MAST3: variants seen among roughly 807,000 people sequenced by gnomAD.
The protein encoded by MAST3 is microtubule associated serine/threonine kinase 3.
A neutral mutation model predicts 127.0 loss-of-function variants in MAST3; 43 were observed. The observed-to-expected ratio is 0.34, with a 90% CI of 0.27 to 0.44. MAST3 has a LOEUF of 0.44. MAST3 is among the 20% of genes least tolerant of loss of function. The pLI is 1.00. For synonymous variants in MAST3, 785 were observed against 809.2 expected, an observed-to-expected ratio of 0.97 and a Z score of 0.51; for missense variants, 1,390 against 1,919.1, an observed-to-expected ratio of 0.72 and a Z score of 5.15.
chr19:18,105,886 C>T (rs2038034889), intron 1 of MAST3, among the ~76,000 whole-genome samples: 1 of 152,014 alleles, frequency 6.6e-6, no homozygotes. Flanking sequence ...CCACTGGTAC[C>T]CAGGGCCCAA....
At chr19:18,138,762 G>A (rs1490318111) in intron 19 of MAST3, among the ~76,000 whole-genome samples, 2 of 152,108 alleles carry the variant, frequency 1.3e-5, no homozygotes, top group African/African-American at 2.4e-5. Context: ...GCCTCTCAAA[G>A]TGCTGGGATT....
At position 18,145,475 on chromosome 19, in the gene MAST3, G is replaced by A. The variant is rs1373066695; in HGVS notation, c.3039+246G>A. ...CCAGCTCCATATGGGGACGCACTGG[G>A]CATGTTATCCTCCCTCTCCCAGCCC... On this transcript the variant is annotated intron_variant, in intron 24 of 27. Coordinates refer to ENST00000687212, the MANE Select transcript of MAST3 (RefSeq NM_001393504.1). The surrounding 1 kb of genome is among the most constrained non-coding windows in gnomAD (Gnocchi z 5.9). Among the ~76,000 whole-genome samples the A allele has an allele frequency of 1.3e-5, 2 of 152,212 alleles. No individual in the cohort carries two copies. The highest frequency in any genetic ancestry group is 2.9e-5 in the Non-Finnish European group (2 of 68,036).
At chr19:18,098,086 G>T (rs2146692901) in intron 1 of MAST3, among the ~76,000 whole-genome samples, 1 of 152,254 alleles carries the variant, frequency 6.6e-6, no homozygotes, top group African/African-American at 2.4e-5. Context: ...AGAGGCTGAG[G>T]GCTCTGCCCC....
rs200510110 is a variant in MAST3, at chr19:18,134,801, G to C, written c.1705-16G>C. On this transcript the variant is annotated splice_polypyrimidine_tract_variant and intron_variant, in intron 16 of 27. Transcript: ENST00000687212. ...GCTGGGGGCTGGCCTCAGTTTCCCC[G>C]TTCTCCCTGGCCCAGGTGTGTGGGA... The C allele has an allele frequency of 1.4e-5, 22 of 1,613,894 alleles. No individual in the cohort carries two copies. In the East Asian group the frequency reaches 4.5e-4, roughly 33 times the overall value.
intron 19 of MAST3, among the ~76,000 whole-genome samples, chr19:18,138,461 GC>G (rs1174613371): frequency 6.6e-6 from 1 of 151,802 alleles, no homozygotes; most frequent in African/African-American, 2.4e-5. Flanking sequence ...GATTACAGGT[GC>G]CTGCCACCAT....
At chr19:18,127,059 C>T (rs1295830261) in intron 11 of MAST3, among the ~76,000 whole-genome samples, 3 of 151,448 alleles carry the variant, frequency 2.0e-5, no homozygotes, top group Non-Finnish European at 2.9e-5. Context: ...GGATTACAGG[C>T]GTGAGCCACC....
chr19:18,143,034 C>T (rs921958642), intron 21 of MAST3, among the ~76,000 whole-genome samples: 2 of 151,036 alleles, frequency 1.3e-5, no homozygotes, highest in Non-Finnish European at 2.9e-5. Context: ...ATTGCTTGAC[C>T]CTGGGAGGCG....
intron 11 of MAST3, among the ~76,000 whole-genome samples, chr19:18,125,443 C>A (rs191932074): frequency 2.6e-4 from 40 of 152,260 alleles, no homozygotes; most frequent in African/African-American, 8.4e-4. Context: ...AGAAGACGGT[C>A]AAAAACTCCC....
Position 18,110,428 on chromosome 19 carries a change from C to G in MAST3, c.72-224C>G. ...GGGAGGACAGGATGACAACTACCCTCCCCCCACGTCTCTGTTCGTGTCGCC... is the reference window on the plus strand; with the variant it reads ...GGGAGGACAGGATGACAACTACCCTGCCCCCACGTCTCTGTTCGTGTCGCC... On this transcript the variant is annotated intron_variant, in intron 2 of 27. Coordinates refer to ENST00000687212, the MANE Select transcript of MAST3 (RefSeq NM_001393504.1). This position sits in a 1 kb window ranked among gnomAD's most constrained non-coding sequence, Gnocchi z 4.3. 3 of 982,142 alleles carry G rather than the reference C, an allele frequency of 3.1e-6. No individual in the cohort carries two copies. The highest frequency in any genetic ancestry group is 9.4e-5 in the South Asian group (2 of 21,212). The allele number at this position is 982,142 out of a possible 1,614,324, so 60.8% of individuals were successfully genotyped here.
intron 19 of MAST3, among the ~76,000 whole-genome samples, chr19:18,137,739 G>T (rs1230179633): frequency 6.6e-6 from 1 of 152,080 alleles, no homozygotes; most frequent in African/African-American, 2.4e-5. Context: ...TTTTGGAGGC[G>T]TCCCTGCAGG....
At chr19:18,143,441 C>T (rs1010518165) in intron 21 of MAST3, among the ~76,000 whole-genome samples, 10 of 151,868 alleles carry the variant, frequency 6.6e-5, no homozygotes, top group East Asian at 1.9e-4. Context: ...CCCAGTGTGG[C>T]GGCAGGCACC....
At chr19:18,130,429 T>C (rs545358810) in intron 13 of MAST3, 65 bp from the exon 14 acceptor site, 1 of 1,436,338 alleles carries the variant, frequency 7.0e-7, no homozygotes, top group Non-Finnish European at 9.5e-7. Context: ...TGGGCTCAAG[T>C]TGAGCTGTAG....
In MAST3 at chr19:18,149,384, G is replaced by T. The variant is rs768502140; in HGVS notation, c.3702G>T (p.Ala1234=). 1.4e-6 allele frequency: 2 copies of T among 1,466,208 alleles called. No homozygotes were observed. The highest frequency in any genetic ancestry group is 1.3e-5 in the South Asian group (1 of 75,502). 90.8% of individuals were successfully genotyped at this position (1,466,208 alleles called of 1,614,324 possible). A position where few individuals can be genotyped will look rare whatever the true frequency, so the allele number is the denominator to read the frequency against. Residue 1234 remains alanine, a synonymous_variant, in exon 28 of 28, where the codon GCG becomes GCT. Transcript: ENST00000687212. The surrounding 1 kb of genome is among the most constrained non-coding windows in gnomAD (Gnocchi z 5.9). ...PSPLACPPIS[A]PPPRSPSPLP... is the part of the protein sequence containing the mutation. ...CGCTGGCCTGCCCGCCCATCTCCGC[G>T]CCCCCACCCCGCTCGCCCTCGCCCC...
Position 18,110,256 on chromosome 19 carries a change from G to A in MAST3, c.72-396G>A. On this transcript the variant is annotated intron_variant, in intron 2 of 27. Transcript: ENST00000687212. This position sits in a 1 kb window ranked among gnomAD's most constrained non-coding sequence, Gnocchi z 4.3. ...GTCGGTCCGCTCGCGCCACGATCAGGGCTTCCGGGGGCCAACAAGGGGGCG... is the reference window on the plus strand; with the variant it reads ...GTCGGTCCGCTCGCGCCACGATCAGAGCTTCCGGGGGCCAACAAGGGGGCG... 1.0e-6 allele frequency: 1 copy of A among 985,578 alleles called. No individual in the cohort carries two copies. The highest frequency in any genetic ancestry group is 1.2e-6 in the Non-Finnish European group (1 of 830,038). The allele number at this position is 985,578 out of a possible 1,614,324, so 61.1% of individuals were successfully genotyped here.
At chr19:18,131,381 ACT>A (rs1426916561) in intron 14 of MAST3, among the ~76,000 whole-genome samples, 1 of 138,686 alleles carries the variant, frequency 7.2e-6, no homozygotes, top group African/African-American at 2.7e-5. Flanking sequence ...ACAGAGTGAG[ACT>A]CTGTCTCAAA....
intron 2 of MAST3, among the ~76,000 whole-genome samples, chr19:18,109,579 C>G (rs142198281): frequency 0.024 from 3,684 of 152,192 alleles, 105 homozygotes; most frequent in Admixed American, 0.077. Flanking sequence ...CACAGACACC[C>G]CCAGACCGTG....
At chr19:18,131,285 A>G (rs1365340814) in intron 14 of MAST3, among the ~76,000 whole-genome samples, 1 of 152,152 alleles carries the variant, frequency 6.6e-6, no homozygotes, top group Admixed American at 6.5e-5. Context: ...AGGCTGAAGC[A>G]GGAGATTCGC....
intron 20 of MAST3, among the ~76,000 whole-genome samples, chr19:18,139,653 G>C (rs1020491134): frequency 2.0e-5 from 3 of 151,240 alleles, no homozygotes; most frequent in African/African-American, 7.3e-5. Flanking sequence ...AGTAGAGATG[G>C]TGTTTCACCA....
intron 13 of MAST3, 177 bp downstream of exon 13, chr19:18,129,128 A>G (rs2040982684): frequency 1.6e-6 from 1 of 631,644 alleles, no homozygotes; most frequent in South Asian, 1.8e-5. Context: ...TAGCGAGGTT[A>G]CAGCCTCATG....
Sources: allele counts gnomAD v4.1 joint callset (sites outside exome capture counted in the v4.1 genomes callset), GRCh38; gene constraint gnomAD v4.1.1; non-coding constraint Gnocchi (gnomAD v3.1); transcripts MANE v1.5; gene names NCBI Gene and HGNC (gene_info 2026-07-23, HGNC 2026-07-21).